Variants in WDCP observed in about 807,000 individuals in gnomAD.
The protein encoded by WDCP is WD repeat and coiled-coil-containing protein.
In WDCP, 19 loss-of-function variants were observed where a neutral mutation model predicts 41.6. That is an observed-to-expected ratio of 0.46 (90% confidence interval 0.32 to 0.67). WDCP has a LOEUF of 0.67. WDCP is among the 30% of genes least tolerant of loss of function. WDCP has a pLI of 0.04. For missense variants in WDCP, 802 were observed against 850.7 expected, an observed-to-expected ratio of 0.94 and a Z score of 0.71; for synonymous variants, 302 against 320.8, an observed-to-expected ratio of 0.94 and a Z score of 0.63.
chr2:24,035,048 A>G (rs1233885315), intron 2 of WDCP, among the ~76,000 whole-genome samples: 2 of 151,694 alleles, frequency 1.3e-5, no homozygotes, highest in African/African-American at 4.8e-5. Flanking sequence ...ATGTACAGAA[A>G]AAATATGGAA....
Position 24,029,520 on chromosome 2 carries a change from G to A in WDCP, c.*1413C>T, listed in dbSNP as rs1320094227. On this transcript the variant is annotated 3_prime_UTR_variant, in exon 4 of 4. Coordinates refer to ENST00000295148, the MANE Select transcript of WDCP (RefSeq NM_025203.3). ...CGCACCCCAGATACTTCCAAGTGGA[G>A]CCAGGCCTCAGACTGTTCTCAGTCA... is the stretch of plus-strand genomic sequence containing the variant. 6.6e-6 allele frequency: 1 copy of A among 152,158 alleles called. No homozygotes were observed. Among genetic ancestry groups the A allele is most frequent in the Non-Finnish European group, 1.5e-5 (1 of 68,048 alleles). The allele number at this position is 152,158 out of a possible 1,614,324, so 9.4% of individuals were successfully genotyped here.
intron 1 of WDCP, among the ~76,000 whole-genome samples, chr2:24,046,824 T>A (rs916390105): frequency 6.6e-6 from 1 of 152,220 alleles, no homozygotes; most frequent in Non-Finnish European, 1.5e-5. Flanking sequence ...GCTGTCAAAC[T>A]TTTTCAGTTA....
chr2:24,042,420 C>T (rs1372545732), intron 1 of WDCP, among the ~76,000 whole-genome samples: 2 of 151,434 alleles, frequency 1.3e-5, no homozygotes, highest in African/African-American at 4.9e-5. Flanking sequence ...CCTGTAGTCC[C>T]AGCTACTCGG....
chr2:24,036,092 A>T (rs865854954), intron 2 of WDCP, among the ~76,000 whole-genome samples: 1 of 150,086 alleles, frequency 6.7e-6, no homozygotes, highest in South Asian at 2.1e-4. Context: ...AAATAAATAA[A>T]TAAATAAATA....
In WDCP at chr2:24,038,265, A is replaced by G. The variant is rs1663317874; in HGVS notation, c.1230T>C (p.Asp410=). 6.2e-7 allele frequency: 1 copy of G among 1,614,194 alleles called. No homozygotes were observed. Among genetic ancestry groups the G allele is most frequent in the East Asian group, 2.2e-5 (1 of 44,876 alleles). ...ACTTTGAAGAAGGAAGAAATGTTGT[A>G]TCAGTGAGTTTTTGTTTTCCTACCA... ...LILVGKQKLT[D]TTFLPSSKSD... Residue 410 remains aspartate, a synonymous_variant, in exon 2 of 4, where the codon GAT becomes GAC. Transcript: ENST00000295148.
Position 24,038,613 on chromosome 2 carries a change from C to T in WDCP, c.882G>A (p.Lys294=). ...GACAAATAAGAGAATTACCCTCAGA[C>T]TTATGTTGATTGAAATGTATGTGAG... ...DLTHIHFNQH[K]SEGNSLICLR... Residue 294 remains lysine, a synonymous_variant, in exon 2 of 4, where the codon AAG becomes AAA. Coordinates refer to ENST00000295148, the MANE Select transcript of WDCP (RefSeq NM_025203.3). 1 of 1,614,148 alleles carries T rather than the reference C, an allele frequency of 6.2e-7. No individual in the cohort carries two copies. Among genetic ancestry groups the T allele is most frequent in the Non-Finnish European group, 8.5e-7 (1 of 1,180,000 alleles).
intron 1 of WDCP, among the ~76,000 whole-genome samples, chr2:24,045,532 C>A (rs1036791141): frequency 5.7e-5 from 8 of 140,030 alleles, no homozygotes; most frequent in African/African-American, 2.1e-4. Flanking sequence ...ACCCGGCTGG[C>A]GGAGGTTGCA....
Position 24,038,743 on chromosome 2 carries a change from A to G in WDCP, c.752T>C (p.Leu251Ser). The change falls in exon 2 of 4, where the codon TTA (leucine) becomes TCA (serine). Residue 251 changes from leucine to serine, a missense_variant. By Grantham distance (145) the Leu-to-Ser change is moderately radical. Coordinates refer to ENST00000295148, the MANE Select transcript of WDCP (RefSeq NM_025203.3). ...PNSKDMTPYA[L>S]PVIGEVRSMD... ...AGAGCGTACTTCACCAATAACTGGTAAAGCATACGGAGTCATGTCTTTACT... is the reference window on the plus strand; with the variant it reads ...AGAGCGTACTTCACCAATAACTGGTGAAGCATACGGAGTCATGTCTTTACT... 3 of 1,614,184 alleles carry G rather than the reference A, an allele frequency of 1.9e-6. No homozygotes were observed. The highest frequency in any genetic ancestry group is 1.7e-6 in the Non-Finnish European group (2 of 1,179,998).
intron 1 of WDCP, among the ~76,000 whole-genome samples, chr2:24,042,757 G>T (rs1436719339): frequency 6.6e-6 from 1 of 151,546 alleles, no homozygotes; most frequent in East Asian, 2.0e-4. Flanking sequence ...CCAGAGCCAG[G>T]CGCGGCGGCT....
chr2:24,032,820 A>G lies in WDCP; in HGVS notation c.1936+9T>C. On this transcript the variant is annotated intron_variant, in intron 3 of 3. Transcript: ENST00000295148. ...TGTTAGCTAGGGTCAATTTCTGAGC[A>G]CGACCTACCATGTAGCATTTCAATG... 1 of 1,531,368 alleles carries G rather than the reference A, an allele frequency of 6.5e-7. No individual in the cohort carries two copies. Among genetic ancestry groups the G allele is most frequent in the Non-Finnish European group, 9.0e-7 (1 of 1,105,234 alleles). The allele number at this position is 1,531,368 out of a possible 1,614,324, so 94.9% of individuals were successfully genotyped here. A position where few individuals can be genotyped will look rare whatever the true frequency, so the allele number is the denominator to read the frequency against.
At chr2:24,042,770 C>T (rs931012715) in intron 1 of WDCP, among the ~76,000 whole-genome samples, 4 of 151,778 alleles carry the variant, frequency 2.6e-5, no homozygotes, top group East Asian at 1.9e-4. Flanking sequence ...CGGCGGCTCA[C>T]GCCTGTAATC....
chr2:24,037,589 CCATCTT>C, intron 2 of WDCP, 82 bp downstream of exon 2: 1 of 1,357,002 alleles, frequency 7.4e-7, no homozygotes, highest in Non-Finnish European at 1.0e-6. Context: ...AGTTAGAGCA[CCATCTT>C]CCTCATCAAT....
chr2:24,044,078 T>C (rs1396662211), intron 1 of WDCP, among the ~76,000 whole-genome samples: 1 of 152,214 alleles, frequency 6.6e-6, no homozygotes, highest in Non-Finnish European at 1.5e-5. Context: ...AAAAGAATTT[T>C]ATTGATAAAT....
chr2:24,031,096 T>G lies in WDCP; in HGVS notation c.2003A>C (p.Gln668Pro). 1.2e-6 allele frequency: 2 copies of G among 1,614,230 alleles called. No individual in the cohort carries two copies. The highest frequency in any genetic ancestry group is 1.7e-6 in the Non-Finnish European group (2 of 1,180,040). The change falls in exon 4 of 4, where the codon CAG becomes CCG. Residue 668 changes from glutamine (Q) to proline (P), a missense_variant. Gln to Pro is a moderately conservative substitution (Grantham distance 76). Around this residue, in one of 5 missense-constraint regions of WDCP, gnomAD observed 321 missense variants for 305.1 expected, o/e 1.05. Coordinates refer to ENST00000295148, the MANE Select transcript of WDCP (RefSeq NM_025203.3). ...GCTGCCATCTCTTATGATTATTTCC[T>G]GTGTGGCTGTGAAGGTTAACGGGAT... ...GFIPLTFTAT[Q>P]EIIIRDGSLS...
Position 24,037,755 on chromosome 2 carries a change from GT to G in WDCP, c.1739del (p.Asn580ThrfsTer32), listed in dbSNP as rs1558333990. Reference protein sequence around the residue: ...EMQRCLSELTNRLHNGKKSSS... With the variant: ...EMQRCLSELTXRLHNGKKSSS... ...AGGATTTCTTCCCATTATGCAGACG[GT>G]TTGTAAGTTCAGAAAGACACCGTTG... On this transcript the variant is annotated frameshift_variant, in exon 2 of 4. Coordinates refer to ENST00000295148, the MANE Select transcript of WDCP (RefSeq NM_025203.3). LOFTEE classifies it high-confidence loss of function. The G allele has an allele frequency of 6.8e-6, 11 of 1,614,212 alleles. No homozygotes were observed. The highest frequency in any genetic ancestry group is 9.3e-6 in the Non-Finnish European group (11 of 1,180,034).
intron 3 of WDCP, among the ~76,000 whole-genome samples, chr2:24,031,718 C>A (rs563650111): frequency 6.6e-6 from 1 of 151,668 alleles, no homozygotes; most frequent in African/African-American, 2.4e-5. Flanking sequence ...CCCAGCTACT[C>A]GGGAGGCTGA....
At chr2:24,045,203 G>A (rs576998576) in intron 1 of WDCP, among the ~76,000 whole-genome samples, 26 of 152,306 alleles carry the variant, frequency 1.7e-4, no homozygotes, top group African/African-American at 5.5e-4. Context: ...CAGTGATATC[G>A]ATAGGATATA....
At position 24,029,462 on chromosome 2, in the gene WDCP, C is replaced by T. The variant is rs1663050531; in HGVS notation, c.*1471G>A. ...ATCTTAGTTAACAGTCTTGTAGTTC[C>T]CTCTTTAGGCTTCAAGATAATTGTG... On this transcript the variant is annotated 3_prime_UTR_variant, in exon 4 of 4. Coordinates refer to ENST00000295148, the MANE Select transcript of WDCP (RefSeq NM_025203.3). The T allele has an allele frequency of 6.6e-6, 1 of 152,088 alleles. No homozygotes were observed. Among genetic ancestry groups the T allele is most frequent in the Non-Finnish European group, 1.5e-5 (1 of 68,032 alleles). The allele number at this position is 152,088 out of a possible 1,614,324, so 9.4% of individuals were successfully genotyped here. A position where few individuals can be genotyped will look rare whatever the true frequency, so the allele number is the denominator to read the frequency against.
In WDCP at chr2:24,039,244, T is replaced by A; in HGVS notation, c.251A>T (p.His84Leu). The A allele has an allele frequency of 6.2e-7, 1 of 1,614,252 alleles. No homozygotes were observed. Among genetic ancestry groups the A allele is most frequent in the Non-Finnish European group, 8.5e-7 (1 of 1,180,046 alleles). ...GGGACACAGCTGCCACACAGTGACA[T>A]GCTTCTCATGCTGGACAGCGAGTAG... ...PVLLAVQHEKHVTVWQLCPSP... is the reference protein window; with the variant it reads ...PVLLAVQHEKLVTVWQLCPSP... Residue 84 changes from histidine (H) to leucine (L), a missense_variant, in exon 2 of 4, where the codon CAT becomes CTT. Physicochemically the swap from His to Leu is moderately conservative, Grantham distance 99. Transcript: ENST00000295148.
Sources: gnomAD v4.1 joint callset for allele counts (sites outside exome capture counted in the v4.1 genomes callset) on GRCh38, gnomAD v4.1.1 for gene constraint, gnomAD v4.1.1 regional missense constraint, MANE v1.5 for transcripts, NCBI Gene and HGNC (gene_info 2026-07-23, HGNC 2026-07-21) for gene names.